GALNT14: variants seen among roughly 807,000 people sequenced by gnomAD.
The protein encoded by GALNT14 is UDP-GalNAc:polypeptide N-acetylgalactosaminyltransferase 14.
In GALNT14, 60 loss-of-function variants were observed where a neutral mutation model predicts 77.5. The ratio of observed to expected loss-of-function variants is 0.77; its 90% CI spans 0.63 to 0.96. The LOEUF is 0.96. Ranked by LOEUF, GALNT14 falls within the 40% of genes least tolerant of loss-of-function variation. GALNT14 has a pLI of 0.00. For synonymous variants in GALNT14, 280 were observed against 281.7 expected, an observed-to-expected ratio of 0.99 and a Z score of 0.06; for missense variants, 710 against 731.0, an observed-to-expected ratio of 0.97 and a Z score of 0.33.
At chr2:30,945,190 T>C (rs1666614060) in intron 7 of GALNT14, among the ~76,000 whole-genome samples, 1 of 152,076 alleles carries the variant, frequency 6.6e-6, no homozygotes, top group African/African-American at 2.4e-5. Context: ...GGGTTAGAAA[T>C]AAAGGGCAGA....
chr2:31,100,275 G>GA (rs911225479), intron 1 of GALNT14, among the ~76,000 whole-genome samples: 1 of 151,784 alleles, frequency 6.6e-6, no homozygotes, highest in South Asian at 2.1e-4. Context: ...ACTTTGATGA[G>GA]AAAAAAACCA....
intron 4 of GALNT14, among the ~76,000 whole-genome samples, 192 bp downstream of exon 4, chr2:30,958,205 C>G (rs961591786): frequency 6.6e-6 from 1 of 152,038 alleles, no homozygotes; most frequent in Admixed American, 6.5e-5. Flanking sequence ...GCAGAGAACC[C>G]GAGAAATTGT....
At chr2:30,943,985 C>A (rs1666533832) in intron 8 of GALNT14, among the ~76,000 whole-genome samples, 1 of 152,214 alleles carries the variant, frequency 6.6e-6, no homozygotes, top group African/African-American at 2.4e-5. Flanking sequence ...TACTATGTGG[C>A]AACACCAGAG....
At chr2:30,949,591 T>A (rs1389536373) in intron 6 of GALNT14, among the ~76,000 whole-genome samples, 1 of 152,174 alleles carries the variant, frequency 6.6e-6, no homozygotes, top group Non-Finnish European at 1.5e-5. Context: ...CAGGAGCAAC[T>A]ACAAGAGGCT....
At chr2:30,945,709 C>G (rs1386248503) in intron 7 of GALNT14, 74 bp downstream of exon 7, 4 of 1,219,838 alleles carry the variant, frequency 3.3e-6, no homozygotes, top group Non-Finnish European at 4.9e-6. Flanking sequence ...TTTTCCTTCA[C>G]TCTCCCCACT....
At chr2:30,951,668 G>A (rs901763879) in intron 6 of GALNT14, among the ~76,000 whole-genome samples, 5 of 152,144 alleles carry the variant, frequency 3.3e-5, no homozygotes, top group African/African-American at 9.7e-5. Flanking sequence ...GCACGCACAC[G>A]TGCACACATA....
intron 1 of GALNT14, among the ~76,000 whole-genome samples, chr2:31,064,370 T>C (rs189786909): frequency 3.9e-5 from 6 of 152,324 alleles, no homozygotes; most frequent in African/African-American, 1.4e-4. Context: ...AGAAACTGCC[T>C]TCCAGTCAAC....
At chr2:30,940,959 G>T (rs958501296) in intron 9 of GALNT14, among the ~76,000 whole-genome samples, 64 of 152,338 alleles carry the variant, frequency 4.2e-4, no homozygotes, top group African/African-American at 1.5e-3. Context: ...TGCCCAGTTT[G>T]GGAGAACAGA....
At chr2:30,899,307 C>T in the GALNT14 span, among the ~76,000 whole-genome samples, 4 of 152,218 alleles carry the variant, frequency 2.6e-5, no homozygotes, top group Non-Finnish European at 5.9e-5. Flanking sequence ...CCCTTTGCCC[C>T]AGCACTGTGG....
At chr2:30,995,239 T>G (rs1558476791) in intron 1 of GALNT14, among the ~76,000 whole-genome samples, 1 of 151,606 alleles carries the variant, frequency 6.6e-6, no homozygotes, top group Non-Finnish European at 1.5e-5. Context: ...ACAGACTGCA[T>G]ATACGACAGT....
chr2:31,058,202 C>T (rs987405423), intron 1 of GALNT14, among the ~76,000 whole-genome samples: 1 of 152,208 alleles, frequency 6.6e-6, no homozygotes, highest in Admixed American at 6.5e-5. Context: ...ATCCCACTGG[C>T]ACAACTCTTC....
At chr2:30,911,194 A>T in intron 14 of GALNT14, 135 bp from the exon 15 acceptor site, 2 of 709,942 alleles carry the variant, frequency 2.8e-6, no homozygotes, top group Non-Finnish European at 4.6e-6. Context: ...AAGCACTAAA[A>T]CTGCAACTAA....
chr2:30,942,338 T>TTA, intron 8 of GALNT14, 34 bp from the exon 9 acceptor site: 1 of 1,505,374 alleles, frequency 6.6e-7, no homozygotes, highest in Non-Finnish European at 9.2e-7. Context: ...AGGGGATCAG[T>TTA]TCTAGTGGGG....
At chr2:31,046,072 T>C (rs558546420) in intron 1 of GALNT14, among the ~76,000 whole-genome samples, 20 of 152,320 alleles carry the variant, frequency 1.3e-4, no homozygotes, top group African/African-American at 4.6e-4. Context: ...TCATGGATTA[T>C]CACACTCAGT....
At chr2:31,039,645 G>A (rs1047209316) in intron 1 of GALNT14, among the ~76,000 whole-genome samples, 2 of 152,024 alleles carry the variant, frequency 1.3e-5, no homozygotes, top group African/African-American at 4.8e-5. Flanking sequence ...GCCTAGTCCT[G>A]TCATTTATGA....
chr2:30,943,776 T>G (rs1341609983), intron 8 of GALNT14, among the ~76,000 whole-genome samples: 2 of 152,140 alleles, frequency 1.3e-5, no homozygotes, highest in East Asian at 3.9e-4. Flanking sequence ...TTCCTCTTGG[T>G]ATCTCTCCAA....
chr2:30,926,315 G>T (rs1270806780), intron 11 of GALNT14, among the ~76,000 whole-genome samples: 1 of 152,178 alleles, frequency 6.6e-6, no homozygotes, highest in African/African-American at 2.4e-5. Flanking sequence ...ATTCAAGGTT[G>T]ACACCTAGAT....
chr2:31,080,931 G>A (rs1322756675), intron 1 of GALNT14, among the ~76,000 whole-genome samples: 1 of 152,154 alleles, frequency 6.6e-6, no homozygotes, highest in Non-Finnish European at 1.5e-5. Flanking sequence ...AAGAAATGAT[G>A]TCATAGGGCT....
rs56258955 is a variant in GALNT14 at position 30,930,468 on chromosome 2, C to T, written c.1059-981G>A. On this transcript the variant is annotated intron_variant, in intron 10 of 14. Transcript: ENST00000349752. Reference sequence around the variant, plus strand: ...GTTATCTGCCCTGACTCTGACCCCACGAATCACAGAAAAGGAGACAGACAG... The same window carrying T: ...GTTATCTGCCCTGACTCTGACCCCATGAATCACAGAAAAGGAGACAGACAG... 1.4e-3 allele frequency among the ~76,000 whole-genome samples: 218 copies of T among 152,302 alleles called. 1 individual carries two copies. The highest frequency in any genetic ancestry group is 5.1e-3 in the African/African-American group (210 of 41,568).
Sources: gnomAD v4.1 joint callset for allele counts (sites outside exome capture counted in the v4.1 genomes callset) on GRCh38, gnomAD v4.1.1 for gene constraint, MANE v1.5 for transcripts, NCBI Gene and HGNC (gene_info 2026-07-23, HGNC 2026-07-21) for gene names.